The following SLC7A11 variants were observed in gnomAD, a reference collection of about 807,000 sequenced individuals.
The protein encoded by SLC7A11 is solute carrier family 7 member 11.
SLC7A11 carries 35 observed loss-of-function variants against 54.5 expected under a neutral mutation model. The ratio of observed to expected loss-of-function variants is 0.64; its 90% CI spans 0.49 to 0.85. SLC7A11 has a LOEUF of 0.85. Among genes scored for constraint, SLC7A11 ranks in the 40% least tolerant of loss-of-function variants. SLC7A11 has a pLI of 0.00. For missense variants in SLC7A11, 583 were observed against 618.1 expected, an observed-to-expected ratio of 0.94 and a Z score of 0.60; for synonymous variants, 230 against 225.2, an observed-to-expected ratio of 1.02 and a Z score of -0.19.
In SLC7A11 at chr4:138,242,211, C is replaced by T. The variant is rs1738400654; in HGVS notation, c.-142G>A. On this transcript the variant is annotated 5_prime_UTR_variant, in exon 1 of 12. Transcript: ENST00000280612. ...GCGCTATAGTGTTCACAGGTGAAAA[C>T]TCAAAGGTGTGCTTTTTCCTTCACA... 2.1e-6 allele frequency: 2 copies of T among 950,546 alleles called. No homozygotes were observed. Among genetic ancestry groups the T allele is most frequent in the South Asian group, 1.7e-5 (1 of 58,668 alleles). The allele number at this position is 950,546 out of a possible 1,614,324, so 58.9% of individuals were successfully genotyped here.
intron 11 of SLC7A11, 48 bp from the exon 12 acceptor site, chr4:138,172,065 CATTAAA>C: frequency 1.1e-5 from 17 of 1,548,508 alleles, no homozygotes; most frequent in Non-Finnish European, 1.5e-5. Flanking sequence ...ATCAGAAATG[CATTAAA>C]AATAGCAAAA....
At chr4:138,220,022 C>T (rs1414192529) in intron 4 of SLC7A11, among the ~76,000 whole-genome samples, 1 of 151,448 alleles carries the variant, frequency 6.6e-6, no homozygotes, top group African/African-American at 2.4e-5. Context: ...TCACTGCAAC[C>T]TCCGCCTCCT....
Position 138,229,794 on chromosome 4 carries a change from T to A in SLC7A11, c.520+2473A>T, listed in dbSNP as rs1390811872. On this transcript the variant is annotated intron_variant, in intron 3 of 11. Coordinates refer to ENST00000280612, the MANE Select transcript of SLC7A11 (RefSeq NM_014331.4). ...GCATTAGTATTCATATAAGTTTAAC[T>A]CCAAAGTGAGTAAAATTTGTGGATT... Among the ~76,000 whole-genome samples the A allele has an allele frequency of 1.8e-4, 27 of 152,334 alleles. No homozygotes were observed. In the East Asian group the frequency reaches 5.2e-3, roughly 29 times the overall value.
At chr4:138,239,107 C>A (rs542653020) in intron 1 of SLC7A11, among the ~76,000 whole-genome samples, 2 of 152,278 alleles carry the variant, frequency 1.3e-5, no homozygotes, top group South Asian at 4.1e-4. Context: ...AGTTGCAACT[C>A]ACTCTCCATG....
At chr4:138,211,978 G>A (rs747283526) in intron 6 of SLC7A11, among the ~76,000 whole-genome samples, 5 of 151,816 alleles carry the variant, frequency 3.3e-5, no homozygotes, top group Non-Finnish European at 5.9e-5. Flanking sequence ...TAAAGTAACC[G>A]TAGTTATCAA....
intron 6 of SLC7A11, among the ~76,000 whole-genome samples, chr4:138,210,370 C>G (rs564475972): frequency 7.0e-4 from 106 of 151,804 alleles, no homozygotes; most frequent in Non-Finnish European, 1.4e-3. Context: ...GAAGCAATTG[C>G]AACAAAAACA....
intron 4 of SLC7A11, 123 bp downstream of exon 4, chr4:138,223,076 A>G: frequency 1.2e-6 from 1 of 842,574 alleles, no homozygotes; most frequent in Non-Finnish European, 1.9e-6. Flanking sequence ...AGATGACAAT[A>G]TAGAGTTTAA....
At chr4:138,201,171 C>G (rs1206306115) in intron 6 of SLC7A11, among the ~76,000 whole-genome samples, 1 of 152,060 alleles carries the variant, frequency 6.6e-6, no homozygotes, top group African/African-American at 2.4e-5. Context: ...GTATTATAAG[C>G]TCTAGTTTTT....
chr4:138,224,415 T>C (rs567682352), intron 3 of SLC7A11, among the ~76,000 whole-genome samples: 89 of 152,262 alleles, frequency 5.8e-4, no homozygotes, highest in African/African-American at 2.0e-3. Context: ...ATATTTAAAA[T>C]GTAAAGATAT....
intron 5 of SLC7A11, among the ~76,000 whole-genome samples, 154 bp from the exon 6 acceptor site, chr4:138,214,783 A>T (rs149842492): frequency 1.6e-3 from 249 of 152,298 alleles, no homozygotes; most frequent in African/African-American, 5.8e-3. Context: ...TACTCCCATA[A>T]GTCATTTTTC....
At chr4:138,192,941 T>A (rs891445527) in intron 6 of SLC7A11, among the ~76,000 whole-genome samples, 2 of 152,146 alleles carry the variant, frequency 1.3e-5, no homozygotes, top group African/African-American at 2.4e-5. Flanking sequence ...GTAAATATAC[T>A]CTTATGCTAA....
At chr4:138,180,176 G>A (rs768998601) in intron 10 of SLC7A11, among the ~76,000 whole-genome samples, 30 of 152,008 alleles carry the variant, frequency 2.0e-4, no homozygotes, top group Non-Finnish European at 3.5e-4. Context: ...ATAATATAGA[G>A]AAAGAGCAAT....
At chr4:138,229,118 T>A (rs908602786) in intron 3 of SLC7A11, among the ~76,000 whole-genome samples, 1 of 152,172 alleles carries the variant, frequency 6.6e-6, no homozygotes, top group East Asian at 1.9e-4. Flanking sequence ...ACTAGAGATT[T>A]CAAATGACCA....
intron 6 of SLC7A11, among the ~76,000 whole-genome samples, chr4:138,196,806 A>G (rs1177852703): frequency 6.6e-6 from 1 of 151,958 alleles, no homozygotes; most frequent in Admixed American, 6.6e-5. Flanking sequence ...ATTACAGGCA[A>G]CTGCCACCAC....
intron 11 of SLC7A11, among the ~76,000 whole-genome samples, chr4:138,178,618 G>GT (rs1262177727): frequency 6.6e-6 from 1 of 152,048 alleles, no homozygotes; most frequent in East Asian, 1.9e-4. Flanking sequence ...GTATACCTAT[G>GT]TAACAAACCT....
chr4:138,219,734 A>C (rs1737763741), intron 4 of SLC7A11, among the ~76,000 whole-genome samples: 1 of 152,152 alleles, frequency 6.6e-6, no homozygotes, highest in Admixed American at 6.5e-5. Context: ...TTAAAAAGAT[A>C]ATGTTTTGCT....
chr4:138,183,266 C>A lies in SLC7A11; in HGVS notation c.955G>T (p.Val319Phe). ...CAGGAGAGGGCAACAAAGATCGGAA[C>A]TGCTAATGAGAAATTTCCCAGTAGC... ...ERLLGNFSLA[V>F]PIFVALSCFG... Residue 319 changes from valine to phenylalanine, a missense_variant, in exon 8 of 12, where the codon GTT becomes TTT. Val to Phe is a conservative substitution (Grantham distance 50). Transcript: ENST00000280612. The A allele has an allele frequency of 6.2e-7, 1 of 1,612,054 alleles. No homozygotes were observed.
At chr4:138,224,533 G>T (rs1001141983) in intron 3 of SLC7A11, among the ~76,000 whole-genome samples, 2 of 152,012 alleles carry the variant, frequency 1.3e-5, no homozygotes, top group African/African-American at 4.8e-5. Flanking sequence ...TTCACTGCCT[G>T]ATATAGTTAC....
intron 6 of SLC7A11, among the ~76,000 whole-genome samples, chr4:138,193,723 C>T (rs768241589): frequency 6.6e-5 from 10 of 152,076 alleles, no homozygotes; most frequent in African/African-American, 1.7e-4. Context: ...CGCTTGAACC[C>T]GGGAGGCGGA....
Sources: gnomAD v4.1 joint callset for allele counts (sites outside exome capture counted in the v4.1 genomes callset) on GRCh38, gnomAD v4.1.1 for gene constraint, MANE v1.5 for transcripts, NCBI Gene and HGNC (gene_info 2026-07-23, HGNC 2026-07-21) for gene names.